Variants in RALYL observed in about 807,000 individuals in gnomAD.
The protein encoded by RALYL is RNA-binding Raly-like protein.
A neutral mutation model predicts 35.1 loss-of-function variants in RALYL; 29 were observed. That is an observed-to-expected ratio of 0.83 (90% confidence interval 0.61 to 1.13). The LOEUF (loss-of-function observed/expected upper bound fraction) is 1.13, where lower values mean the gene tolerates loss of function less well. Among genes scored for constraint, RALYL ranks in the 50% most tolerant of loss-of-function variants. The probability of loss-of-function intolerance (pLI) is 0.00; values close to 1 mark genes in which losing one functional copy is unlikely to be tolerated. For missense variants in RALYL, 359 were observed against 360.4 expected, an observed-to-expected ratio of 1.00 and a Z score of 0.03; for synonymous variants, 120 against 127.6, an observed-to-expected ratio of 0.94 and a Z score of 0.40.
At chr8:84,223,293 A>T (rs917309484) in intron 1 of RALYL, among the ~76,000 whole-genome samples, 4 of 145,298 alleles carry the variant, frequency 2.8e-5, no homozygotes, top group Admixed American at 7.3e-5. Flanking sequence ...TTAATATTGA[A>T]TGCTATTTGG....
At chr8:84,433,808 TGTGTGC>T (rs60250674) in intron 1 of RALYL, among the ~76,000 whole-genome samples, 49,298 of 147,126 alleles carry the variant, frequency 0.34, 8,418 homozygotes, top group South Asian at 0.52. Context: ...TGTGCATGTA[TGTGTGC>T]GTGTGTGTGT....
chr8:84,891,115 G>A (rs1357220268), intron 8 of RALYL, among the ~76,000 whole-genome samples: 1 of 152,132 alleles, frequency 6.6e-6, no homozygotes, highest in Non-Finnish European at 1.5e-5. Flanking sequence ...ATAGAAGTGG[G>A]ATCAGTGCGA....
At chr8:84,742,684 G>A (rs943421629) in intron 2 of RALYL, among the ~76,000 whole-genome samples, 11 of 151,946 alleles carry the variant, frequency 7.2e-5, no homozygotes, top group African/African-American at 2.4e-4. Flanking sequence ...AGCATTAAAA[G>A]CAAAGAAACG....
At chr8:84,282,039 A>G (rs1414613106) in intron 1 of RALYL, among the ~76,000 whole-genome samples, 1 of 152,018 alleles carries the variant, frequency 6.6e-6, no homozygotes, top group African/African-American at 2.4e-5. Context: ...GCCTAAAGAA[A>G]TAGTACATGA....
intron 1 of RALYL, among the ~76,000 whole-genome samples, chr8:84,389,214 G>A (rs1860004692): frequency 6.6e-6 from 1 of 151,992 alleles, no homozygotes; most frequent in Non-Finnish European, 1.5e-5. Flanking sequence ...CTCTGTTTTG[G>A]TATCAGTACC....
chr8:84,218,283 G>A (rs1297500666), intron 1 of RALYL, among the ~76,000 whole-genome samples: 5 of 151,854 alleles, frequency 3.3e-5, no homozygotes, highest in African/African-American at 1.2e-4. Flanking sequence ...AAACTATCAG[G>A]GCCAGTTACA....
intron 1 of RALYL, among the ~76,000 whole-genome samples, chr8:84,491,487 A>G (rs1310485929): frequency 6.6e-6 from 1 of 152,010 alleles, no homozygotes; most frequent in East Asian, 1.9e-4. Context: ...TATGTCCTTA[A>G]CATGGAATTT....
chr8:84,280,433 G>A (rs776790116), intron 1 of RALYL, among the ~76,000 whole-genome samples: 1 of 151,792 alleles, frequency 6.6e-6, no homozygotes. Flanking sequence ...TTCCTAAAAC[G>A]ACTAAATAAA....
At chr8:84,531,996 G>T (rs1341516601) in intron 2 of RALYL, among the ~76,000 whole-genome samples, 1 of 151,958 alleles carries the variant, frequency 6.6e-6, no homozygotes, top group Non-Finnish European at 1.5e-5. Context: ...ATTCCTCTTA[G>T]ATCCTCTCTT....
intron 1 of RALYL, among the ~76,000 whole-genome samples, chr8:84,515,701 C>T (rs1201650654): frequency 1.3e-5 from 2 of 151,138 alleles, no homozygotes; most frequent in Admixed American, 6.6e-5. Flanking sequence ...ATGTATAGTA[C>T]AAAAAAAATT....
At chr8:84,915,572 G>A (rs960689735) in intron 8 of RALYL, among the ~76,000 whole-genome samples, 3 of 152,044 alleles carry the variant, frequency 2.0e-5, no homozygotes, top group African/African-American at 7.2e-5. Context: ...TGCCTTAAGA[G>A]TTCTGTATCA....
At chr8:84,398,160 G>C (rs983551005) in intron 1 of RALYL, among the ~76,000 whole-genome samples, 7 of 152,076 alleles carry the variant, frequency 4.6e-5, no homozygotes, top group Non-Finnish European at 7.3e-5. Flanking sequence ...CTTCAGCTTG[G>C]TACTATTATT....
intron 1 of RALYL, among the ~76,000 whole-genome samples, chr8:84,333,591 C>G (rs113457123): frequency 0.027 from 4,138 of 152,138 alleles, 103 homozygotes; most frequent in Non-Finnish European, 0.031. Context: ...TTTATCTGGC[C>G]GGGTCAACTT....
At chr8:84,824,633 C>A (rs1829260755) in intron 4 of RALYL, among the ~76,000 whole-genome samples, 1 of 152,120 alleles carries the variant, frequency 6.6e-6, no homozygotes, top group African/African-American at 2.4e-5. Flanking sequence ...GCTACAATAA[C>A]CAAAACAGCG....
chr8:84,212,806 A>G (rs560863940), intron 1 of RALYL, among the ~76,000 whole-genome samples: 37 of 152,288 alleles, frequency 2.4e-4, no homozygotes, highest in Non-Finnish European at 4.4e-4. Context: ...GCTTTTCTTC[A>G]ATTACCTTTG....
chr8:84,387,782 G>A (rs923482577), intron 1 of RALYL, among the ~76,000 whole-genome samples: 7 of 149,464 alleles, frequency 4.7e-5, no homozygotes, highest in Non-Finnish European at 7.4e-5. Context: ...TTGGGAAGGT[G>A]GTTCTTTTCT....
At chr8:84,257,305 T>C (rs1053309765) in intron 1 of RALYL, among the ~76,000 whole-genome samples, 12 of 152,108 alleles carry the variant, frequency 7.9e-5, no homozygotes, top group African/African-American at 2.9e-4. Flanking sequence ...TCAGCATGAA[T>C]TGCTTTATAG....
At chr8:84,579,766 G>T (rs1810408135) in intron 2 of RALYL, among the ~76,000 whole-genome samples, 1 of 152,132 alleles carries the variant, frequency 6.6e-6, no homozygotes, top group Non-Finnish European at 1.5e-5. Flanking sequence ...TTATTAATCA[G>T]ATTCTATACT....
At chr8:84,794,291 G>C (rs1821426921) in intron 3 of RALYL, among the ~76,000 whole-genome samples, 1 of 152,200 alleles carries the variant, frequency 6.6e-6, no homozygotes, top group South Asian at 2.1e-4. Context: ...AAGATAAATG[G>C]CATCGGCATT....
Sources: allele counts gnomAD v4.1 joint callset (sites outside exome capture counted in the v4.1 genomes callset), GRCh38; gene constraint gnomAD v4.1.1; transcripts MANE v1.5; gene names NCBI Gene and HGNC (gene_info 2026-07-23, HGNC 2026-07-21).